ACSBG1: variants seen among roughly 807,000 people sequenced by gnomAD.
ACSBG1 encodes the protein long-chain-fatty-acid--CoA ligase ACSBG1.
Under a neutral mutation model 80.2 loss-of-function variants are expected in ACSBG1, and 39 were observed. That is an observed-to-expected ratio of 0.49 (90% CI 0.38 to 0.64). The LOEUF is 0.64. Ranked by LOEUF, ACSBG1 falls within the 30% of genes least tolerant of loss-of-function variation. The pLI, the probability that ACSBG1 is intolerant of heterozygous loss-of-function variation, is 0.00. For missense variants in ACSBG1, 828 were observed against 966.4 expected, an observed-to-expected ratio of 0.86 and a Z score of 1.90; for synonymous variants, 392 against 379.5, an observed-to-expected ratio of 1.03 and a Z score of -0.38.
At position 78,208,082 on chromosome 15, in the gene ACSBG1, G is replaced by T; in HGVS notation, c.152C>A (p.Pro51Gln). 1 of 1,613,930 alleles carries T rather than the reference G, an allele frequency of 6.2e-7. No individual in the cohort carries two copies. The highest frequency in any genetic ancestry group is 8.5e-7 in the Non-Finnish European group (1 of 1,179,920). Residue 51 changes from proline (P) to glutamine (Q), a missense_variant, in exon 2 of 14, where the codon CCA (proline) becomes CAA (glutamine). By Grantham distance (76) the Pro-to-Gln change is moderately conservative. This residue lies in a region of ACSBG1 where 356 missense variants were observed against 363.5 expected (regional missense o/e 0.98). Coordinates refer to ENST00000258873, the MANE Select transcript of ACSBG1 (RefSeq NM_015162.5). ...LKTSSLTDRQ[P>Q]LSKESLNHAL... ...ATGGTTCAGGGACTCTTTGGAGAGT[G>T]GCTGCCTGTCAGTCAGTGAGCTGGG... is the stretch of plus-strand genomic sequence containing the variant.
chr15:78,220,959 C>A (rs1478775223), intron 1 of ACSBG1, among the ~76,000 whole-genome samples: 5 of 152,190 alleles, frequency 3.3e-5, no homozygotes, highest in Non-Finnish European at 7.3e-5. Context: ...TTTGTATATA[C>A]CCAGGAAAAT....
rs756570537 is a variant in ACSBG1 at position 78,181,948 on chromosome 15, A to G, written c.1071+21T>C. On this transcript the variant is annotated intron_variant, in intron 8 of 13. Coordinates refer to ENST00000258873, the MANE Select transcript of ACSBG1 (RefSeq NM_015162.5). ...GCCTGGCACACGGGCTCAGACGGAC[A>G]CACGGTAAAGGCAGACTGACCTTCA... The G allele has an allele frequency of 4.3e-6, 7 of 1,609,772 alleles. No homozygotes were observed. In the South Asian group the frequency reaches 7.7e-5, roughly 18 times the overall value.
At chr15:78,206,862 C>T (rs1006046436) in intron 2 of ACSBG1, among the ~76,000 whole-genome samples, 10 of 152,200 alleles carry the variant, frequency 6.6e-5, no homozygotes, top group Admixed American at 2.6e-4. Flanking sequence ...CCAAGGGACA[C>T]GGAGCCTCCC....
chr15:78,219,759 C>T (rs571778683), intron 1 of ACSBG1, among the ~76,000 whole-genome samples: 3 of 152,194 alleles, frequency 2.0e-5, no homozygotes, highest in Non-Finnish European at 2.9e-5. Context: ...CTGAGGCAGG[C>T]GGATCACAAG....
intron 5 of ACSBG1, among the ~76,000 whole-genome samples, chr15:78,183,295 G>T (rs994274469): frequency 1.3e-5 from 2 of 152,228 alleles, no homozygotes; most frequent in African/African-American, 4.8e-5. Flanking sequence ...TACAAAAAGA[G>T]GCCGGGTGTG....
At chr15:78,205,520 T>G (rs773550430) in intron 2 of ACSBG1, among the ~76,000 whole-genome samples, 10 of 152,174 alleles carry the variant, frequency 6.6e-5, no homozygotes, top group Non-Finnish European at 8.8e-5. Context: ...AAAGAGGCAG[T>G]GTGGCCAGTT....
chr15:78,221,898 A>T (rs1025592562), intron 1 of ACSBG1, among the ~76,000 whole-genome samples: 1 of 152,232 alleles, frequency 6.6e-6, no homozygotes, highest in African/African-American at 2.4e-5. Flanking sequence ...TTCTGTGAGC[A>T]CAGGGTTGGG....
chr15:78,207,639 C>A, intron 2 of ACSBG1: 1 of 255,556 alleles, frequency 3.9e-6, no homozygotes, highest in East Asian at 7.8e-5. Context: ...CCAAAAATCC[C>A]AAGGCATTGC....
chr15:78,193,774 G>T, intron 4 of ACSBG1, 148 bp from the exon 5 acceptor site: 1 of 1,436,352 alleles, frequency 7.0e-7, no homozygotes, highest in Non-Finnish European at 9.4e-7. Context: ...CTCCTCCCCT[G>T]CAGAGAGGGC....
intron 13 of ACSBG1, among the ~76,000 whole-genome samples, chr15:78,173,213 C>T (rs1371898206): frequency 2.6e-5 from 4 of 151,926 alleles, no homozygotes; most frequent in African/African-American, 4.8e-5. Flanking sequence ...GGCATGGTGG[C>T]CCATGCCTGT....
chr15:78,207,925 A>ACCCCCCC, intron 2 of ACSBG1, 77 bp downstream of exon 2: 4 of 454,976 alleles, frequency 8.8e-6, no homozygotes, highest in East Asian at 6.1e-5. Context: ...GGTCCCCCAC[A>ACCCCCCC]CCACCCACCC....
At chr15:78,222,397 C>T (rs2075365876) in intron 1 of ACSBG1, among the ~76,000 whole-genome samples, 1 of 152,186 alleles carries the variant, frequency 6.6e-6, no homozygotes, top group Admixed American at 6.5e-5. Context: ...GATGTGGTGG[C>T]TGACGCCTGT....
intron 1 of ACSBG1, among the ~76,000 whole-genome samples, chr15:78,220,874 T>C (rs1280742136): frequency 6.6e-6 from 1 of 152,222 alleles, no homozygotes; most frequent in Non-Finnish European, 1.5e-5. Context: ...GGAATGCAGA[T>C]ACTTTGGAAT....
In ACSBG1 at chr15:78,193,606, TA is replaced by T. The variant is rs1567086352; in HGVS notation, c.562del (p.Tyr188ThrfsTer33). 1 of 1,613,532 alleles carries T rather than the reference TA, an allele frequency of 6.2e-7. No homozygotes were observed. Reference protein sequence around the residue: ...VFAGGIVTGIYTTSSPEACQY... With the variant: ...VFAGGIVTGIXTTSSPEACQY... ...GCAGGCCTCTGGGGAGCTGGTGGTG[TA>T]GATGCCAGTGACGATGCCACTGTAG... On this transcript the variant is annotated frameshift_variant, in exon 5 of 14. Coordinates refer to ENST00000258873, the MANE Select transcript of ACSBG1 (RefSeq NM_015162.5). LOFTEE classifies it high-confidence loss of function.
intron 1 of ACSBG1, among the ~76,000 whole-genome samples, chr15:78,217,749 T>C (rs1056540863): frequency 5.9e-5 from 9 of 151,914 alleles, no homozygotes; most frequent in African/African-American, 2.2e-4. Flanking sequence ...GTATTTTTAG[T>C]AGAGACGGGG....
intron 5 of ACSBG1, among the ~76,000 whole-genome samples, chr15:78,189,768 C>T (rs1477554855): frequency 1.3e-5 from 2 of 151,850 alleles, no homozygotes; most frequent in African/African-American, 4.8e-5. Flanking sequence ...CACATGTATA[C>T]ATATGTAACT....
At chr15:78,188,622 A>C (rs199905871) in intron 5 of ACSBG1, among the ~76,000 whole-genome samples, 1 of 145,790 alleles carries the variant, frequency 6.9e-6, no homozygotes, top group Non-Finnish European at 1.5e-5. Context: ...GGCTAGCCAT[A>C]TGTAGAAAGC....
Position 78,178,921 on chromosome 15 carries a change from C to T in ACSBG1, c.1485-90G>A. ...GCCGGGGTCCCAACTGCTCGGTCTT[C>T]ACTGATTGCTAGAAGGTATCCCCTC... On this transcript the variant is annotated intron_variant, in intron 10 of 13. Transcript: ENST00000258873. The surrounding 1 kb of genome is among the most constrained non-coding windows in gnomAD (Gnocchi z 4.3). 7.6e-7 allele frequency: 1 copy of T among 1,313,978 alleles called. No homozygotes were observed. The highest frequency in any genetic ancestry group is 1.0e-6 in the Non-Finnish European group (1 of 972,180). The allele number at this position is 1,313,978 out of a possible 1,614,324, so 81.4% of individuals were successfully genotyped here.
chr15:78,208,035 C>T lies in ACSBG1; in HGVS notation c.199G>A (p.Glu67Lys). Residue 67 changes from glutamate to lysine, a missense_variant, in exon 2 of 14, where the codon GAG (glutamate) becomes AAG (lysine). Physicochemically the swap from Glu to Lys is moderately conservative, Grantham distance 56. Transcript: ENST00000258873. ...LNHALELSVPEKVNNAQWDAP... is the reference protein window; with the variant it reads ...LNHALELSVPKKVNNAQWDAP... ...TCCCACTGGGCATTATTCACCTTCTCTGGCACTGAGAGCTCGAGAGCATGG... is the reference window on the plus strand; with the variant it reads ...TCCCACTGGGCATTATTCACCTTCTTTGGCACTGAGAGCTCGAGAGCATGG... 1 of 1,600,416 alleles carries T rather than the reference C, an allele frequency of 6.2e-7. No individual in the cohort carries two copies. The highest frequency in any genetic ancestry group is 1.1e-5 in the South Asian group (1 of 90,826).
Sources: allele counts gnomAD v4.1 joint callset (sites outside exome capture counted in the v4.1 genomes callset), GRCh38; gene constraint gnomAD v4.1.1; regional missense constraint gnomAD v4.1.1; non-coding constraint Gnocchi (gnomAD v3.1); transcripts MANE v1.5; gene names NCBI Gene and HGNC (gene_info 2026-07-23, HGNC 2026-07-21).